Variants in PZP observed in about 807,000 individuals in gnomAD.
PZP encodes the protein PZP alpha-2-macroglobulin like.
Under a neutral mutation model 179.8 loss-of-function variants are expected in PZP, and 150 were observed. The observed-to-expected ratio is 0.83, with a 90% CI of 0.73 to 0.96. PZP has a LOEUF of 0.96. Among genes scored for constraint, PZP ranks in the 40% least tolerant of loss-of-function variants. The pLI, the probability that PZP is intolerant of heterozygous loss-of-function variation, is 0.00. For missense variants in PZP, 1,689 were observed against 1,764.0 expected, an observed-to-expected ratio of 0.96 and a Z score of 0.76; for synonymous variants, 624 against 652.3, an observed-to-expected ratio of 0.96 and a Z score of 0.66.
At chr12:9,139,100 A>C in the PZP span, among the ~76,000 whole-genome samples, 1 of 152,040 alleles carries the variant, frequency 6.6e-6, no homozygotes, top group Admixed American at 6.6e-5. Context: ...GCTTTTGCTG[A>C]ATACCATAAT....
intron 32 of PZP, 113 bp from the exon 33 acceptor site, chr12:9,151,785 GCTAAT>G (rs2120515225): frequency 1.2e-6 from 1 of 802,168 alleles, no homozygotes; most frequent in East Asian, 2.7e-5. Flanking sequence ...AGAGAAGAAA[GCTAAT>G]TGTTTTCAGG....
At chr12:9,202,473 T>C in intron 3 of PZP, 52 bp downstream of exon 3, 1 of 1,612,752 alleles carries the variant, frequency 6.2e-7, no homozygotes, top group Non-Finnish European at 8.5e-7. Flanking sequence ...ACTTTGGCTG[T>C]TCAGGTGGCC....
intron 1 of PZP, among the ~76,000 whole-genome samples, chr12:9,207,170 A>G (rs1428032590): frequency 6.6e-6 from 1 of 152,184 alleles, no homozygotes; most frequent in African/African-American, 2.4e-5. Context: ...AGGGTAACAC[A>G]CAGAGCAGAG....
rs1941919410 is a variant in PZP at position 9,170,513 on chromosome 12, G to A, written c.1840-922C>T. Among the ~76,000 whole-genome samples the A allele has an allele frequency of 6.6e-6, 1 of 152,192 alleles. No homozygotes were observed. Among genetic ancestry groups the A allele is most frequent in the South Asian group, 2.1e-4 (1 of 4,830 alleles). ...TCATCCTGTGGACCCCACTTCCACA[G>A]CACCTCACAGGTTAAGACTCACTGT... On this transcript the variant is annotated intron_variant, in intron 15 of 35. Coordinates refer to ENST00000261336, the MANE Select transcript of PZP (RefSeq NM_002864.3). This position sits in a 1 kb window ranked among gnomAD's most constrained non-coding sequence, Gnocchi z 4.6.
At chr12:9,207,963 A>G (rs1221964008) in intron 1 of PZP, among the ~76,000 whole-genome samples, 1 of 152,220 alleles carries the variant, frequency 6.6e-6, no homozygotes, top group African/African-American at 2.4e-5. Context: ...ATATCTCTAT[A>G]TTCAGTGCCT....
rs370114893 is a variant in PZP at position 9,164,122 on chromosome 12, C to T, written c.2614+11G>A. 7 of 1,608,414 alleles carry T rather than the reference C, an allele frequency of 4.4e-6. No individual in the cohort carries two copies. The highest frequency in any genetic ancestry group is 1.3e-5 in the African/African-American group (1 of 74,842). ...GTTGATTGATAGGCCCTTTTGGGTA[C>T]TGTCACTCACCCAGAGTTTTAGGAG... is the stretch of plus-strand genomic sequence containing the variant. On this transcript the variant is annotated intron_variant, in intron 20 of 35. Coordinates refer to ENST00000261336, the MANE Select transcript of PZP (RefSeq NM_002864.3).
rs369379965 is a variant in PZP at position 9,180,973 on chromosome 12, G to A, written c.1839+10C>T. On this transcript the variant is annotated intron_variant, in intron 15 of 35. Transcript: ENST00000261336. ...GCCCTTCCTGGTCCCCAAGGCCACT[G>A]GAAACTCACTGAGGACACAGAGAGC... The A allele has an allele frequency of 2.5e-6, 4 of 1,610,138 alleles. No individual in the cohort carries two copies. In the African/African-American group the frequency reaches 4.0e-5, roughly 16 times the overall value.
At chr12:9,138,795 T>G in the PZP span, among the ~76,000 whole-genome samples, 1 of 152,120 alleles carries the variant, frequency 6.6e-6, no homozygotes, top group Non-Finnish European at 1.5e-5. Context: ...TCACTTATGA[T>G]CATTTTTATT....
intron 21 of PZP, among the ~76,000 whole-genome samples, 166 bp downstream of exon 21, chr12:9,163,502 C>T (rs1941368834): frequency 1.3e-5 from 2 of 151,082 alleles, no homozygotes; most frequent in Admixed American, 1.3e-4. Flanking sequence ...AAAAAATTTA[C>T]AATAGCTGGC....
chr12:9,192,380 C>A, intron 12 of PZP, 124 bp from the exon 13 acceptor site: 1 of 1,285,306 alleles, frequency 7.8e-7, no homozygotes, highest in South Asian at 1.3e-5. Flanking sequence ...CAAGAAAACT[C>A]ATGGAATGAA....
chr12:9,192,058 A>T (rs1943485700), intron 13 of PZP, 135 bp downstream of exon 13: 1 of 706,172 alleles, frequency 1.4e-6, no homozygotes, highest in East Asian at 2.7e-5. Context: ...AAAGAGTCAT[A>T]AGACGAGTAT....
At chr12:9,161,343 T>C (rs1941190583) in intron 22 of PZP, among the ~76,000 whole-genome samples, 1 of 152,240 alleles carries the variant, frequency 6.6e-6, no homozygotes, top group Admixed American at 6.5e-5. Flanking sequence ...ATTGTTATTA[T>C]TGCAGTTATT....
chr12:9,193,974 C>T, intron 11 of PZP, 103 bp downstream of exon 11: 2 of 1,118,406 alleles, frequency 1.8e-6, no homozygotes, highest in Non-Finnish European at 2.5e-6. Flanking sequence ...AGTTAGATAT[C>T]TTCTTATTTC....
In PZP at chr12:9,164,039, C is replaced by G; in HGVS notation, c.2614+94G>C. On this transcript the variant is annotated intron_variant, in intron 20 of 35. Coordinates refer to ENST00000261336, the MANE Select transcript of PZP (RefSeq NM_002864.3). ...AAAAACTAACTTTATAGAATTATAT[C>G]TATGGCAAATAAAAGAGAGAATATG... 6.9e-7 allele frequency: 1 copy of G among 1,446,896 alleles called. No homozygotes were observed. The highest frequency in any genetic ancestry group is 9.4e-7 in the Non-Finnish European group (1 of 1,061,916). 89.6% of individuals were successfully genotyped at this position (1,446,896 alleles called of 1,614,324 possible).
rs1943501225 is a variant in PZP, at chr12:9,192,271, C to G, written c.1483-15G>C. 2 of 1,612,920 alleles carry G rather than the reference C, an allele frequency of 1.2e-6. No homozygotes were observed. Among genetic ancestry groups the G allele is most frequent in the African/African-American group, 2.7e-5 (2 of 74,890 alleles). Reference sequence around the variant, plus strand: ...TTAGCCATGATCTGAAATGAAAAAACAGTGAAGGAAATTTCTTGAGCTGGA... The same window carrying G: ...TTAGCCATGATCTGAAATGAAAAAAGAGTGAAGGAAATTTCTTGAGCTGGA... On this transcript the variant is annotated splice_polypyrimidine_tract_variant and intron_variant, in intron 12 of 35. Transcript: ENST00000261336.
At chr12:9,179,898 C>T (rs993364664) in intron 15 of PZP, among the ~76,000 whole-genome samples, 1 of 152,196 alleles carries the variant, frequency 6.6e-6, no homozygotes, top group Non-Finnish European at 1.5e-5. Flanking sequence ...ATCAAAGTTG[C>T]AGGCAGATTC....
chr12:9,150,477 T>C (rs1326783791), intron 34 of PZP, among the ~76,000 whole-genome samples, 167 bp downstream of exon 34: 2 of 152,044 alleles, frequency 1.3e-5, no homozygotes, highest in African/African-American at 4.8e-5. Context: ...AGAGATGGGG[T>C]TTTGCTATGT....
chr12:9,194,768 T>A (rs1239905075), intron 10 of PZP, among the ~76,000 whole-genome samples: 1 of 152,114 alleles, frequency 6.6e-6, no homozygotes, highest in Non-Finnish European at 1.5e-5. Context: ...CCGGCCAAAG[T>A]CAGGGAGATT....
Position 9,182,060 on chromosome 12 carries a change from C to T in PZP, c.1604G>A (p.Arg535Gln), listed in dbSNP as rs183830886. ...TGGTAAAATGGCAAAGATGAACATT[C>T]GTGCAATGGGGGCAACGTCTGACTC... is the stretch of plus-strand genomic sequence containing the variant. ...PVESDVAPIA[R>Q]MFIFAILPDG... is the part of the protein sequence containing the mutation. The change falls in exon 14 of 36, where the codon CGA becomes CAA. Residue 535 changes from arginine (R) to glutamine (Q), a missense_variant. Around this residue, in one of 3 missense-constraint regions of PZP, gnomAD observed 742 missense variants for 730.5 expected, o/e 1.02. Transcript: ENST00000261336. 27 of 1,613,640 alleles carry T rather than the reference C, an allele frequency of 1.7e-5. No homozygotes were observed. The highest frequency in any genetic ancestry group is 1.6e-4 in the East Asian group (7 of 44,844).
Sources: allele counts gnomAD v4.1 joint callset (sites outside exome capture counted in the v4.1 genomes callset), GRCh38; gene constraint gnomAD v4.1.1; regional missense constraint gnomAD v4.1.1; non-coding constraint Gnocchi (gnomAD v3.1); transcripts MANE v1.5; gene names NCBI Gene and HGNC (gene_info 2026-07-23, HGNC 2026-07-21).